Variants in ZDHHC5 observed in about 807,000 individuals in gnomAD.
ZDHHC5 encodes palmitoyltransferase ZDHHC5.
In ZDHHC5, 22 loss-of-function variants were observed where a neutral mutation model predicts 70.0. The observed-to-expected ratio is 0.31, with a 90% CI of 0.22 to 0.45. ZDHHC5 has a LOEUF of 0.45. ZDHHC5 is among the 20% of genes least tolerant of loss of function. The pLI is 1.00. For synonymous variants in ZDHHC5, 313 were observed against 347.8 expected (o/e 0.90, Z 1.11); for missense variants, 746 against 926.9 (o/e 0.80, Z 2.53).
intron 6 of ZDHHC5, among the ~76,000 whole-genome samples, chr11:57,692,232 T>C (rs1054902581): frequency 2.0e-5 from 3 of 152,096 alleles, no homozygotes; most frequent in Non-Finnish European, 2.9e-5. Context: ...TGTTGGCCAG[T>C]TTGGTCTCAA....
chr11:57,671,763 C>T (rs1946009076), intron 1 of ZDHHC5, among the ~76,000 whole-genome samples: 1 of 152,128 alleles, frequency 6.6e-6, no homozygotes, highest in African/African-American at 2.4e-5. Flanking sequence ...GAGATGGGCC[C>T]CTTACAAGAG....
Position 57,673,065 on chromosome 11 carries a change from G to A in ZDHHC5, c.-26G>A, listed in dbSNP as rs1260388141. Reference sequence around the variant, plus strand: ...TGTGTGGGCCTGGGCTATGCGGCAGGGCAGATTTCCCATCAGAGCTCCAAC... The same window carrying A: ...TGTGTGGGCCTGGGCTATGCGGCAGAGCAGATTTCCCATCAGAGCTCCAAC... On this transcript the variant is annotated 5_prime_UTR_variant, in exon 2 of 12. Coordinates refer to ENST00000287169, the MANE Select transcript of ZDHHC5 (RefSeq NM_015457.3). The A allele has an allele frequency of 6.2e-7, 1 of 1,611,678 alleles. No homozygotes were observed. The highest frequency in any genetic ancestry group is 1.7e-5 in the Admixed American group (1 of 59,992).
At chr11:57,689,655 C>T (rs1020035331) in intron 4 of ZDHHC5, among the ~76,000 whole-genome samples, 64 of 151,116 alleles carry the variant, frequency 4.2e-4, no homozygotes, top group African/African-American at 1.5e-3. Context: ...GGATTACAGG[C>T]GTGAGCCACC....
chr11:57,689,566 T>C (rs912527101), intron 4 of ZDHHC5, among the ~76,000 whole-genome samples: 26 of 152,078 alleles, frequency 1.7e-4, no homozygotes, highest in African/African-American at 5.8e-4. Context: ...TTAGTAGAGA[T>C]GGGGTTTCAC....
chr11:57,682,173 A>G (rs979717108), intron 2 of ZDHHC5, among the ~76,000 whole-genome samples: 5 of 152,260 alleles, frequency 3.3e-5, no homozygotes, highest in South Asian at 4.1e-4. Context: ...TCTGAAGCAC[A>G]AAGACCTTAG....
rs753206290 is a variant in ZDHHC5, at chr11:57,698,625, C to T, written c.1189C>T (p.Arg397Cys). 60 of 1,613,938 alleles carry T rather than the reference C, an allele frequency of 3.7e-5. No individual in the cohort carries two copies. Among genetic ancestry groups the T allele is most frequent in the African/African-American group, 8.0e-5 (6 of 74,914 alleles). The stretch of plus-strand genomic sequence containing the variant: ...AGAGAGCAGCCGTCACCCCAGCTAC[C>T]GCTCAGAGCCCAGCTTGGAACCAGA... ...IAESSRHPSY[R>C]SEPSLEPESF... The change falls in exon 11 of 12, where the codon CGC becomes TGC. Residue 397 changes from arginine to cysteine, a missense_variant. By Grantham distance (180) the Arg-to-Cys change is radical. Around this residue, in one of 6 missense-constraint regions of ZDHHC5, gnomAD observed 179 missense variants for 178.4 expected, o/e 1.00. Transcript: ENST00000287169.
intron 1 of ZDHHC5, among the ~76,000 whole-genome samples, chr11:57,670,165 G>A (rs527472777): frequency 6.6e-6 from 1 of 152,224 alleles, no homozygotes; most frequent in East Asian, 1.9e-4. Context: ...GGGATTTTGA[G>A]GGAAAAGTTT....
At position 57,668,131 on chromosome 11, in the gene ZDHHC5, A is replaced by G. The variant is rs1002789136; in HGVS notation, c.-1127A>G. 3 of 371,388 alleles carry G rather than the reference A, an allele frequency of 8.1e-6. No homozygotes were observed. The Admixed American group carries it at 1.4e-4, about 17-fold the overall frequency. The allele number at this position is 371,388 out of a possible 1,614,324, so 23.0% of individuals were successfully genotyped here. A position where few individuals can be genotyped will look rare whatever the true frequency, so the allele number is the denominator to read the frequency against. On this transcript the variant is annotated 5_prime_UTR_variant, in exon 1 of 12. Coordinates refer to ENST00000287169, the MANE Select transcript of ZDHHC5 (RefSeq NM_015457.3). ...CGCTGCTTCTCTGAGGCAGGACGGCACTGCCGGGAGGCGGCGGTGACAACG... is the reference window on the plus strand; with the variant it reads ...CGCTGCTTCTCTGAGGCAGGACGGCGCTGCCGGGAGGCGGCGGTGACAACG...
At chr11:57,669,407 A>G (rs181576365) in intron 1 of ZDHHC5, among the ~76,000 whole-genome samples, 3 of 152,350 alleles carry the variant, frequency 2.0e-5, no homozygotes, top group African/African-American at 7.2e-5. Flanking sequence ...TTACATATAC[A>G]TATTTCCATT....
At position 57,699,415 on chromosome 11, in the gene ZDHHC5, C is replaced by T. The variant is rs758821826; in HGVS notation, c.1979C>T (p.Pro660Leu). The T allele has an allele frequency of 6.4e-7, 1 of 1,566,722 alleles. No homozygotes were observed. Among genetic ancestry groups the T allele is most frequent in the African/African-American group, 1.4e-5 (1 of 73,644 alleles). ...EEVALQPLLT[P>L]KDEVQLKTTY... ...GTGGCCTTGCAGCCATTACTGACAC[C>T]CAAGTAAGTATTAGTACTATCCTGA... Residue 660 changes from proline to leucine, a missense_variant, in exon 11 of 12, where the codon CCC (proline) becomes CTC (leucine). Transcript: ENST00000287169.
chr11:57,686,013 TA>T (rs1946204280), intron 3 of ZDHHC5, among the ~76,000 whole-genome samples: 1 of 152,184 alleles, frequency 6.6e-6, no homozygotes, highest in Non-Finnish European at 1.5e-5. Flanking sequence ...AGTGTGAGAC[TA>T]CATCTCAAAA....
Position 57,699,206 on chromosome 11 carries a change from A to G in ZDHHC5, c.1770A>G (p.Ser590=). The stretch of plus-strand genomic sequence containing the variant: ...GTACTAGTTCCTCCTCAGATGATTC[A>G]AAGAGATCACCTTTGGGCAAGACTC... ...APRTSSSSDD[S]KRSPLGKTPL... Residue 590 remains serine, a synonymous_variant, in exon 11 of 12, where the codon TCA becomes TCG. Coordinates refer to ENST00000287169, the MANE Select transcript of ZDHHC5 (RefSeq NM_015457.3). The G allele has an allele frequency of 6.2e-7, 1 of 1,614,242 alleles. No homozygotes were observed. Among genetic ancestry groups the G allele is most frequent in the Non-Finnish European group, 8.5e-7 (1 of 1,180,056 alleles).
At chr11:57,689,966 C>G in intron 4 of ZDHHC5, 65 bp from the exon 5 acceptor site, 1 of 1,547,982 alleles carries the variant, frequency 6.5e-7, no homozygotes, top group Non-Finnish European at 8.8e-7. Flanking sequence ...TGTTTCTCTT[C>G]TTGACAGAAG....
At chr11:57,670,209 C>T (rs1945987351) in intron 1 of ZDHHC5, among the ~76,000 whole-genome samples, 1 of 152,118 alleles carries the variant, frequency 6.6e-6, no homozygotes, top group African/African-American at 2.4e-5. Flanking sequence ...GGCAGAGTGT[C>T]TCACACCTGT....
In ZDHHC5 at chr11:57,693,839, G is replaced by A. The variant is rs145352118; in HGVS notation, c.809G>A (p.Arg270Gln). 22 of 1,608,396 alleles carry A rather than the reference G, an allele frequency of 1.4e-5. 1 individual carries two copies. The highest frequency in any genetic ancestry group is 9.0e-5 in the East Asian group (4 of 44,684). The change falls in exon 8 of 12, where the codon CGA becomes CAA. Residue 270 changes from arginine to glutamine, a missense_variant. Around this residue, in one of 6 missense-constraint regions of ZDHHC5, gnomAD observed 114 missense variants for 179.3 expected, o/e 0.64. Transcript: ENST00000287169. ...KTIVIRPPFL[R>Q]PEVSDGQITV... ...ATTGTAATCAGACCTCCCTTCCTTCGACCAGAAGTTTCAGATGGGCAGATA... is the reference window on the plus strand; with the variant it reads ...ATTGTAATCAGACCTCCCTTCCTTCAACCAGAAGTTTCAGATGGGCAGATA...
chr11:57,673,277 C>T, intron 2 of ZDHHC5, 83 bp downstream of exon 2: 1 of 1,379,114 alleles, frequency 7.3e-7, no homozygotes, highest in South Asian at 1.2e-5. Flanking sequence ...TTGAGTTTTG[C>T]AAAGCCAAGT....
Position 57,698,969 on chromosome 11 carries a change from A to G in ZDHHC5, c.1533A>G (p.Glu511=), listed in dbSNP as rs773268414. The change falls in exon 11 of 12, where the codon GAA becomes GAG. Residue 511 remains glutamate (E), a synonymous_variant. Coordinates refer to ENST00000287169, the MANE Select transcript of ZDHHC5 (RefSeq NM_015457.3). ...FLSARLAQQR[E]AERHPRLVPT... ...CAGCCAGGCTGGCCCAGCAACGGGA[A>G]GCTGAGAGGCACCCACGTTTGGTGC... 2 of 1,612,468 alleles carry G rather than the reference A, an allele frequency of 1.2e-6. No homozygotes were observed. The highest frequency in any genetic ancestry group is 1.1e-5 in the South Asian group (1 of 91,082).
intron 3 of ZDHHC5, among the ~76,000 whole-genome samples, chr11:57,687,972 T>C (rs1442576791): frequency 6.6e-6 from 1 of 151,938 alleles, no homozygotes; most frequent in Non-Finnish European, 1.5e-5. Flanking sequence ...GGTTTCACCA[T>C]GTTGGCCGTG....
At position 57,700,083 on chromosome 11, in the gene ZDHHC5, C is replaced by A. The variant is rs1482979842; in HGVS notation, c.*52C>A. On this transcript the variant is annotated 3_prime_UTR_variant, in exon 12 of 12. Coordinates refer to ENST00000287169, the MANE Select transcript of ZDHHC5 (RefSeq NM_015457.3). ...CCTCTGCGCCTACACCAAAGGGCCC[C>A]AGGTGGCCACCTTCCTTCCCTCAAG... The A allele has an allele frequency of 6.6e-7, 1 of 1,512,062 alleles. No homozygotes were observed. The highest frequency in any genetic ancestry group is 1.3e-5 in the South Asian group (1 of 74,260). 93.7% of individuals were successfully genotyped at this position (1,512,062 alleles called of 1,614,324 possible). A position where few individuals can be genotyped will look rare whatever the true frequency, so the allele number is the denominator to read the frequency against.
Sources: allele counts gnomAD v4.1 joint callset (sites outside exome capture counted in the v4.1 genomes callset), GRCh38; gene constraint gnomAD v4.1.1; regional missense constraint gnomAD v4.1.1; transcripts MANE v1.5; gene names NCBI Gene and HGNC (gene_info 2026-07-23, HGNC 2026-07-21).